Variants in HHIPL1 observed in about 807,000 individuals in gnomAD.
The protein encoded by HHIPL1 is HHIP like 1, also known as HHIP-like protein 1.
In HHIPL1, 43 loss-of-function variants were observed where a neutral mutation model predicts 61.8. The observed-to-expected ratio is 0.70, with a 90% CI of 0.55 to 0.90. The LOEUF is 0.90. Ranked by LOEUF, HHIPL1 falls within the 40% of genes least tolerant of loss-of-function variation. HHIPL1 has a pLI of 0.00. For missense variants in HHIPL1, 1,056 were observed against 1,157.7 expected (o/e 0.91, Z 1.28); for synonymous variants, 482 against 515.8 (o/e 0.93, Z 0.89).
the HHIPL1 span, among the ~76,000 whole-genome samples, chr14:99,632,781 G>A: frequency 6.6e-6 from 1 of 152,286 alleles, no homozygotes; most frequent in African/African-American, 2.4e-5. Context: ...CATCACCTCA[G>A]CCTATCACGT....
chr14:99,659,880 C>A, intron 4 of HHIPL1, 124 bp downstream of exon 4: 1 of 658,862 alleles, frequency 1.5e-6, no homozygotes, highest in Non-Finnish European at 2.3e-6. Context: ...GACCCTGAGT[C>A]TGTCCTCGGC....
At chr14:99,667,239 C>G (rs1313654896) in intron 6 of HHIPL1, among the ~76,000 whole-genome samples, 2 of 152,128 alleles carry the variant, frequency 1.3e-5, no homozygotes, top group Non-Finnish European at 2.9e-5. Flanking sequence ...GCTGGGGCAG[C>G]AGACTTTCCT....
chr14:99,605,761 C>G, the HHIPL1 span, among the ~76,000 whole-genome samples: 1 of 152,140 alleles, frequency 6.6e-6, no homozygotes, highest in African/African-American at 2.4e-5. Flanking sequence ...GGAGGCACAT[C>G]TAAGCTGAAG....
chr14:99,626,267 G>GGTGTGTGTGTGTGTGTGT, the HHIPL1 span, among the ~76,000 whole-genome samples: 1,104 of 147,542 alleles, frequency 7.5e-3, 15 homozygotes, highest in African/African-American at 0.026. Context: ...GGTGTAGCGG[G>GGTGTGTGTGTGTGTGTGT]GTGTGTGTGT....
At position 99,668,385 on chromosome 14, in the gene HHIPL1, C is replaced by A. The variant is rs2056281971; in HGVS notation, c.1730+82C>A. On this transcript the variant is annotated intron_variant, in intron 7 of 8. Transcript: ENST00000330710. The surrounding 1 kb of genome is among the most constrained non-coding windows in gnomAD (Gnocchi z 4.7). Reference sequence around the variant, plus strand: ...CACGGGCTTGTCCCCTCCGCCTCGCCCTCAGGTGGGTGGTATTAATCCCCA... The same window carrying A: ...CACGGGCTTGTCCCCTCCGCCTCGCACTCAGGTGGGTGGTATTAATCCCCA... 1.2e-6 allele frequency: 1 copy of A among 842,190 alleles called. No individual in the cohort carries two copies. Among genetic ancestry groups the A allele is most frequent in the South Asian group, 1.3e-5 (1 of 74,122 alleles). 52.2% of individuals were successfully genotyped at this position (842,190 alleles called of 1,614,324 possible). A position where few individuals can be genotyped will look rare whatever the true frequency, so the allele number is the denominator to read the frequency against.
chr14:99,605,544 C>T, the HHIPL1 span, among the ~76,000 whole-genome samples: 1 of 152,252 alleles, frequency 6.6e-6, no homozygotes, highest in East Asian at 1.9e-4. Context: ...GCCTACTCGC[C>T]GCGGGGCCTG....
chr14:99,645,311 C>G lies in HHIPL1; in HGVS notation c.104C>G (p.Pro35Arg). 1 of 1,454,472 alleles carries G rather than the reference C, an allele frequency of 6.9e-7. No individual in the cohort carries two copies. The highest frequency in any genetic ancestry group is 9.0e-7 in the Non-Finnish European group (1 of 1,108,226). The allele number at this position is 1,454,472 out of a possible 1,614,324, so 90.1% of individuals were successfully genotyped here. ...DFRPPFRPTQ[P>R]LRLCAQYSDF... ...AGGCCGCCCTTCCGGCCGACGCAGC[C>G]GCTGCGCCTCTGCGCGCAGTACTCG... The change falls in exon 1 of 9, where the codon CCG (proline) becomes CGG (arginine). Residue 35 changes from proline to arginine, a missense_variant. Transcript: ENST00000330710.
the HHIPL1 span, chr14:99,624,643 C>G: frequency 6.6e-6 from 1 of 152,248 alleles, no homozygotes; most frequent in Non-Finnish European, 1.5e-5. Flanking sequence ...AAGCAGTTGG[C>G]CTGCCAGTGA....
the HHIPL1 span, among the ~76,000 whole-genome samples, chr14:99,611,830 A>G: frequency 6.6e-6 from 1 of 151,668 alleles, no homozygotes; most frequent in Non-Finnish European, 1.5e-5. Context: ...TCACATCTAT[A>G]CCAAGACAGA....
At chr14:99,663,899 G>A (rs927290905) in intron 6 of HHIPL1, among the ~76,000 whole-genome samples, 2 of 152,242 alleles carry the variant, frequency 1.3e-5, no homozygotes, top group African/African-American at 4.8e-5. Flanking sequence ...AGGTGTGGAA[G>A]AGAGCCTCCC....
At chr14:99,636,657 C>T in the HHIPL1 span, among the ~76,000 whole-genome samples, 2 of 151,700 alleles carry the variant, frequency 1.3e-5, no homozygotes, top group Non-Finnish European at 2.9e-5. Context: ...ATCTCCAACA[C>T]CAGATGGAGG....
the HHIPL1 span, among the ~76,000 whole-genome samples, chr14:99,620,702 G>C: frequency 6.6e-6 from 1 of 152,246 alleles, no homozygotes; most frequent in Non-Finnish European, 1.5e-5. Flanking sequence ...CAGGAAGGAG[G>C]GGTCTTGGCT....
upstream of HHIPL1, among the ~76,000 whole-genome samples, chr14:99,643,433 A>G (rs1186512455): frequency 1.3e-5 from 2 of 152,002 alleles, no homozygotes; most frequent in Non-Finnish European, 2.9e-5. Flanking sequence ...CGAGGTAAAT[A>G]GGTATTAGGG....
At chr14:99,636,428 A>G in the HHIPL1 span, among the ~76,000 whole-genome samples, 1 of 152,182 alleles carries the variant, frequency 6.6e-6, no homozygotes, top group Non-Finnish European at 1.5e-5. Context: ...GGTCTTTAAT[A>G]AATGCCCATT....
At chr14:99,650,088 G>A (rs1159107913) in intron 1 of HHIPL1, among the ~76,000 whole-genome samples, 1 of 152,374 alleles carries the variant, frequency 6.6e-6, no homozygotes, top group East Asian at 1.9e-4. Context: ...CCAGTCAGGT[G>A]AGACCTAGCC....
At chr14:99,631,774 GC>G in the HHIPL1 span, among the ~76,000 whole-genome samples, 27 of 152,140 alleles carry the variant, frequency 1.8e-4, no homozygotes, top group African/African-American at 6.3e-4. Flanking sequence ...GCGCCACCAT[GC>G]CCAGCCTTCA....
At chr14:99,651,193 G>T (rs1405437803) in intron 1 of HHIPL1, among the ~76,000 whole-genome samples, 2 of 152,200 alleles carry the variant, frequency 1.3e-5, no homozygotes, top group Non-Finnish European at 2.9e-5. Flanking sequence ...ACATTGCAGT[G>T]AGCTGAGATG....
upstream of HHIPL1, among the ~76,000 whole-genome samples, chr14:99,640,217 T>C (rs555433509): frequency 8.6e-4 from 131 of 152,366 alleles, no homozygotes; most frequent in Non-Finnish European, 9.4e-4. Flanking sequence ...TCTTTTACAA[T>C]TATTTTAATG....
rs968012334 is a variant in HHIPL1 at position 99,669,012 on chromosome 14, CT to C, written c.1730+711del. ...TGGCTCCAGAGCCCTGCCCTAACCCCTTGGCTGTGTGCCTTCACCTCACCCT... is the reference window on the plus strand; with the variant it reads ...TGGCTCCAGAGCCCTGCCCTAACCCCTGGCTGTGTGCCTTCACCTCACCCT... On this transcript the variant is annotated intron_variant, in intron 7 of 8. Transcript: ENST00000330710. The C allele has an allele frequency of 2.0e-5, 30 of 1,523,538 alleles. 1 individual carries two copies. The Admixed American group carries it at 5.1e-4, about 26-fold the overall frequency. The allele number at this position is 1,523,538 out of a possible 1,614,324, so 94.4% of individuals were successfully genotyped here.
Sources: allele counts gnomAD v4.1 joint callset (sites outside exome capture counted in the v4.1 genomes callset), GRCh38; gene constraint gnomAD v4.1.1; non-coding constraint Gnocchi (gnomAD v3.1); transcripts MANE v1.5; gene names NCBI Gene and HGNC (gene_info 2026-07-23, HGNC 2026-07-21).